The following ENTREP2 variants were observed in gnomAD, a reference collection of about 807,000 sequenced individuals.
ENTREP2 encodes the protein endosomal transmembrane epsin interactor 2, also known as protein ENTREP2.
the ENTREP2 span, among the ~76,000 whole-genome samples, chr15:29,289,921 C>A: frequency 6.6e-6 from 1 of 152,108 alleles, no homozygotes; most frequent in Non-Finnish European, 1.5e-5. Flanking sequence ...TTGAAATAAT[C>A]TAAATGTCCA....
At chr15:29,478,016 TATA>T in the ENTREP2 span, among the ~76,000 whole-genome samples, 1,442 of 59,736 alleles carry the variant, frequency 0.024, 44 homozygotes, top group Non-Finnish European at 0.027. Flanking sequence ...TATATATATA[TATA>T]TTTTTTTTTT....
At chr15:29,292,266 T>C in the ENTREP2 span, among the ~76,000 whole-genome samples, 1 of 152,188 alleles carries the variant, frequency 6.6e-6, no homozygotes. Flanking sequence ...ATCTTTTTCT[T>C]TTCTTTTCTT....
chr15:29,218,575 G>A, the ENTREP2 span, among the ~76,000 whole-genome samples: 2 of 152,070 alleles, frequency 1.3e-5, no homozygotes, highest in African/African-American at 4.8e-5. Flanking sequence ...ATACTATAAA[G>A]CCACAGTCAC....
At chr15:29,655,833 T>C in the ENTREP2 span, among the ~76,000 whole-genome samples, 5 of 152,176 alleles carry the variant, frequency 3.3e-5, no homozygotes, top group African/African-American at 1.2e-4. Context: ...TGACACCACC[T>C]GGCCAACATG....
chr15:29,472,435 ACAC>A, the ENTREP2 span, among the ~76,000 whole-genome samples: 8 of 133,674 alleles, frequency 6.0e-5, no homozygotes, highest in Admixed American at 2.2e-4. Flanking sequence ...CACAACACAC[ACAC>A]ACACACACAC....
chr15:29,340,553 C>A, the ENTREP2 span, among the ~76,000 whole-genome samples: 1 of 152,030 alleles, frequency 6.6e-6, no homozygotes, highest in African/African-American at 2.4e-5. Context: ...TGGGTTAGAC[C>A]CTACACCAAA....
chr15:29,142,581 C>T, the ENTREP2 span, among the ~76,000 whole-genome samples: 11 of 152,272 alleles, frequency 7.2e-5, no homozygotes, highest in East Asian at 7.7e-4. Flanking sequence ...GGGGTGGTGT[C>T]GTGTCCCTGA....
chr15:29,465,264 G>A, the ENTREP2 span, among the ~76,000 whole-genome samples: 1 of 152,142 alleles, frequency 6.6e-6, no homozygotes, highest in Non-Finnish European at 1.5e-5. Flanking sequence ...GGGTGCAGAA[G>A]TGGTTTTCTC....
chr15:29,257,274 T>A, the ENTREP2 span, among the ~76,000 whole-genome samples: 6 of 152,074 alleles, frequency 3.9e-5, no homozygotes, highest in Non-Finnish European at 5.9e-5. Context: ...GGTTTCTCCA[T>A]GTTGGTCAGG....
At chr15:29,146,794 G>A in the ENTREP2 span, among the ~76,000 whole-genome samples, 1 of 152,206 alleles carries the variant, frequency 6.6e-6, no homozygotes, top group East Asian at 1.9e-4. Context: ...AAATTACCTG[G>A]GGTGGTGGCA....
At chr15:29,370,229 C>T in the ENTREP2 span, among the ~76,000 whole-genome samples, 1 of 152,120 alleles carries the variant, frequency 6.6e-6, no homozygotes, top group East Asian at 1.9e-4. Context: ...GATCCAATTA[C>T]ACACTGTCTA....
the ENTREP2 span, chr15:29,128,953 T>A: frequency 1.2e-6 from 1 of 812,646 alleles, no homozygotes. Flanking sequence ...TAAACTTGTC[T>A]CCTGGTGGGA....
At chr15:29,354,665 G>A in the ENTREP2 span, among the ~76,000 whole-genome samples, 8,989 of 151,898 alleles carry the variant, frequency 0.059, 445 homozygotes, top group African/African-American at 0.13. Context: ...TATGAAACAC[G>A]CACAAGTTTC....
At chr15:29,520,105 T>C in the ENTREP2 span, among the ~76,000 whole-genome samples, 1 of 152,200 alleles carries the variant, frequency 6.6e-6, no homozygotes, top group African/African-American at 2.4e-5. Context: ...CAAAGCCTGT[T>C]GGTGGACTCT....
At chr15:29,631,404 G>A in the ENTREP2 span, among the ~76,000 whole-genome samples, 1 of 152,164 alleles carries the variant, frequency 6.6e-6, no homozygotes, top group Non-Finnish European at 1.5e-5. Flanking sequence ...ATTTTAGCAG[G>A]CAGTTTCCCC....
chr15:29,591,150 C>A, the ENTREP2 span, among the ~76,000 whole-genome samples: 2 of 152,136 alleles, frequency 1.3e-5, no homozygotes, highest in Non-Finnish European at 2.9e-5. Flanking sequence ...TTTGAGAAAA[C>A]TTGTCTCTTC....
the ENTREP2 span, chr15:29,126,339 G>C: frequency 6.5e-7 from 1 of 1,533,750 alleles, no homozygotes; most frequent in Non-Finnish European, 8.8e-7. Context: ...GGCTGCACCT[G>C]TGAGCCCATG....
chr15:29,305,284 A>G, the ENTREP2 span, among the ~76,000 whole-genome samples: 1 of 152,230 alleles, frequency 6.6e-6, no homozygotes, highest in African/African-American at 2.4e-5. Context: ...GCACGGCACA[A>G]TGAGTTCAGA....
chr15:29,333,163 A>G, the ENTREP2 span, among the ~76,000 whole-genome samples: 6,548 of 152,162 alleles, frequency 0.043, 379 homozygotes, highest in African/African-American at 0.13. Context: ...GTGAAGTGAC[A>G]TGAAGAAATG....
Sources: gnomAD v4.1 joint callset for allele counts (sites outside exome capture counted in the v4.1 genomes callset) on GRCh38, gnomAD v4.1.1 for gene constraint, MANE v1.5 for transcripts, NCBI Gene and HGNC (gene_info 2026-07-23, HGNC 2026-07-21) for gene names.